Variants in HDAC4 observed in about 807,000 individuals in gnomAD.
The protein encoded by HDAC4 is histone deacetylase 4, also known as histone deacetylase A.
Under a neutral mutation model 135.1 loss-of-function variants are expected in HDAC4, and 16 were observed. The ratio of observed to expected loss-of-function variants is 0.12; its 90% confidence interval spans 0.08 to 0.18. HDAC4 has a LOEUF of 0.18. HDAC4 is among the 10% of genes least tolerant of loss of function. The probability of loss-of-function intolerance (pLI) is 1.00; values close to 1 mark genes in which losing one functional copy is unlikely to be tolerated. For missense variants in HDAC4, 1,143 were observed against 1,511.8 expected (o/e 0.76, Z 4.05); for synonymous variants, 685 against 653.4 (o/e 1.05, Z -0.74).
Position 239,372,964 on chromosome 2 carries a change from G to C in HDAC4, c.-219-20046C>G, listed in dbSNP as rs370349151. Among the ~76,000 whole-genome samples the C allele has an allele frequency of 7.3e-5, 11 of 151,708 alleles. No homozygotes were observed. In the East Asian group the frequency reaches 9.8e-4, roughly 13 times the overall value. On this transcript the variant is annotated intron_variant, in intron 1 of 26. Coordinates refer to ENST00000543185, the MANE Select transcript of HDAC4 (RefSeq NM_001378414.1). ...ATGTCTCGGGGGAGTCCGTCACGTGGCTGTGCCAACATTTAGCCAAGCATT... is the reference window on the plus strand; with the variant it reads ...ATGTCTCGGGGGAGTCCGTCACGTGCCTGTGCCAACATTTAGCCAAGCATT...
At chr2:239,371,632 CAT>C (rs1047989265) in intron 1 of HDAC4, among the ~76,000 whole-genome samples, 25 of 152,154 alleles carry the variant, frequency 1.6e-4, no homozygotes, top group Non-Finnish European at 3.5e-4. Flanking sequence ...CAAATACACT[CAT>C]ATAACCTCAA....
intron 24 of HDAC4, among the ~76,000 whole-genome samples, chr2:239,062,909 C>G (rs559037002): frequency 1.3e-5 from 2 of 152,290 alleles, no homozygotes; most frequent in African/African-American, 4.8e-5. Flanking sequence ...CCCATGTCCC[C>G]TCTCGGCACC....
chr2:239,111,112 C>T (rs531058773), intron 14 of HDAC4, among the ~76,000 whole-genome samples: 1 of 152,390 alleles, frequency 6.6e-6, no homozygotes, highest in South Asian at 2.1e-4. Context: ...CAGCCATTCA[C>T]AGCCCTGTCA....
At chr2:239,093,198 A>G (rs1419480059) in intron 17 of HDAC4, among the ~76,000 whole-genome samples, 4 of 152,204 alleles carry the variant, frequency 2.6e-5, no homozygotes, top group African/African-American at 7.2e-5. Context: ...AAAGCACTTT[A>G]CAGCTCCCAT....
Position 239,306,794 on chromosome 2 carries a change from C to A in HDAC4, c.22+45884G>T, listed in dbSNP as rs1478733460. 6.6e-6 allele frequency among the ~76,000 whole-genome samples: 1 copy of A among 152,114 alleles called. No homozygotes were observed. Among genetic ancestry groups the A allele is most frequent in the South Asian group, 2.1e-4 (1 of 4,828 alleles). On this transcript the variant is annotated intron_variant, in intron 2 of 26. Transcript: ENST00000543185. The surrounding 1 kb of genome is among the most constrained non-coding windows in gnomAD (Gnocchi z 4.5). ...GCAGGACCCCACCCCAGCCAACAAC[C>A]GGGAGACCCTGGCCTGGTTTCCCAC...
At chr2:239,284,000 C>T (rs1444257930) in intron 2 of HDAC4, among the ~76,000 whole-genome samples, 1 of 152,204 alleles carries the variant, frequency 6.6e-6, no homozygotes, top group African/African-American at 2.4e-5. Context: ...CCAAGGGCGT[C>T]GGCGCAGGGG....
intron 8 of HDAC4, 81 bp downstream of exon 8, chr2:239,144,502 A>G: frequency 6.3e-7 from 1 of 1,581,942 alleles, no homozygotes; most frequent in Non-Finnish European, 8.7e-7. Context: ...GGTTTTCAGA[A>G]GCTCCTGAGA....
chr2:239,085,096 C>T (rs966885403), intron 19 of HDAC4, among the ~76,000 whole-genome samples: 20 of 151,640 alleles, frequency 1.3e-4, no homozygotes, highest in African/African-American at 4.6e-4. Context: ...AGGTCCCCCA[C>T]GCTCCTCTGG....
intron 4 of HDAC4, among the ~76,000 whole-genome samples, chr2:239,177,552 T>C (rs1310319832): frequency 6.6e-6 from 1 of 152,150 alleles, no homozygotes; most frequent in Non-Finnish European, 1.5e-5. Context: ...CTGTTGACTG[T>C]CTACAGGGAA....
Position 239,262,217 on chromosome 2 carries a change from C to T in HDAC4, c.23-25553G>A, listed in dbSNP as rs575562920. On this transcript the variant is annotated intron_variant, in intron 2 of 26. Coordinates refer to ENST00000543185, the MANE Select transcript of HDAC4 (RefSeq NM_001378414.1). This position sits in a 1 kb window ranked among gnomAD's most constrained non-coding sequence, Gnocchi z 4.1. ...CGTGGCTTTTTATAAGCTAGTATTTCCTCCTGTGGTGTCTCCTTGGGGGAA... is the reference window on the plus strand; with the variant it reads ...CGTGGCTTTTTATAAGCTAGTATTTTCTCCTGTGGTGTCTCCTTGGGGGAA... 1.3e-5 allele frequency among the ~76,000 whole-genome samples: 2 copies of T among 152,266 alleles called. No individual in the cohort carries two copies. The highest frequency in any genetic ancestry group is 4.2e-4 in the South Asian group (2 of 4,810).
At chr2:239,360,277 G>C (rs892471852) in intron 1 of HDAC4, among the ~76,000 whole-genome samples, 7 of 152,216 alleles carry the variant, frequency 4.6e-5, no homozygotes, top group Admixed American at 3.9e-4. Flanking sequence ...TTACCAGAGG[G>C]GGAAATAGGA....
Position 239,303,029 on chromosome 2 carries a change from C to T in HDAC4, c.22+49649G>A, listed in dbSNP as rs147785700. 6.6e-6 allele frequency among the ~76,000 whole-genome samples: 1 copy of T among 152,192 alleles called. No homozygotes were observed. Among genetic ancestry groups the T allele is most frequent in the Non-Finnish European group, 1.5e-5 (1 of 68,030 alleles). ...GGGCTGGGCGTCACCCCTGCCACCT[C>T]GGGAGTCCTCAAACCCCCCCCGGGT... is the stretch of plus-strand genomic sequence containing the variant. On this transcript the variant is annotated intron_variant, in intron 2 of 26. Transcript: ENST00000543185. This position sits in a 1 kb window ranked among gnomAD's most constrained non-coding sequence, Gnocchi z 5.1.
At chr2:239,136,917 T>C (rs1337932731) in intron 9 of HDAC4, among the ~76,000 whole-genome samples, 1 of 152,174 alleles carries the variant, frequency 6.6e-6, no homozygotes, top group African/African-American at 2.4e-5. Context: ...TTTGCTCACA[T>C]ATTACATTGT....
At chr2:239,236,703 G>C (rs370426575) in intron 2 of HDAC4, 39 bp from the exon 3 acceptor site, 2 of 1,468,224 alleles carry the variant, frequency 1.4e-6, no homozygotes, top group Non-Finnish European at 1.9e-6. Flanking sequence ...GAAACTGCGC[G>C]CATTTCAGCC....
At chr2:239,094,529 C>T (rs969819929) in intron 17 of HDAC4, 1 of 1,048,244 alleles carries the variant, frequency 9.5e-7, no homozygotes. Context: ...ATATCATCAG[C>T]TCACAGAAGC....
chr2:239,065,681 GCC>G (rs2033381878), intron 24 of HDAC4, among the ~76,000 whole-genome samples: 1 of 152,214 alleles, frequency 6.6e-6, no homozygotes, highest in East Asian at 1.9e-4. Context: ...CCCTGGCAAG[GCC>G]TCTGCATCTG....
chr2:239,108,228 G>A (rs551693469), intron 14 of HDAC4, 45 bp from the exon 15 acceptor site: 16 of 1,565,870 alleles, frequency 1.0e-5, no homozygotes, highest in East Asian at 7.1e-5. Flanking sequence ...ATCCAGGGGC[G>A]AGCCGACCAC....
intron 20 of HDAC4, 63 bp from the exon 21 acceptor site, chr2:239,082,284 G>T: frequency 5.6e-6 from 9 of 1,607,190 alleles, no homozygotes; most frequent in Non-Finnish European, 7.7e-6. Context: ...CCTCCCCTGA[G>T]GGCCGTCCCC....
chr2:239,096,787 G>A (rs972859804), intron 16 of HDAC4, among the ~76,000 whole-genome samples: 1 of 150,138 alleles, frequency 6.7e-6, no homozygotes, highest in Non-Finnish European at 1.5e-5. Flanking sequence ...CCCACAGACA[G>A]CCACAGCCAG....
Sources: allele counts gnomAD v4.1 joint callset (sites outside exome capture counted in the v4.1 genomes callset), GRCh38; gene constraint gnomAD v4.1.1; non-coding constraint Gnocchi (gnomAD v3.1); transcripts MANE v1.5; gene names NCBI Gene and HGNC (gene_info 2026-07-23, HGNC 2026-07-21).